TBC1D19: variants seen among roughly 807,000 people sequenced by gnomAD.
The protein encoded by TBC1D19 is TBC1 domain family member 19.
In TBC1D19, 60 loss-of-function variants were observed where a neutral mutation model predicts 89.0. The ratio of observed to expected loss-of-function variants is 0.67; its 90% CI spans 0.55 to 0.84. The LOEUF (loss-of-function observed/expected upper bound fraction) is 0.84. Ranked by LOEUF, TBC1D19 falls within the 40% of genes least tolerant of loss-of-function variation. The pLI is 0.00. For synonymous variants in TBC1D19, 189 were observed against 199.7 expected, an observed-to-expected ratio of 0.95 and a Z score of 0.45; for missense variants, 500 against 610.8, an observed-to-expected ratio of 0.82 and a Z score of 1.91.
intron 16 of TBC1D19, among the ~76,000 whole-genome samples, chr4:26,736,981 A>G (rs1718090606): frequency 6.6e-6 from 1 of 152,232 alleles, no homozygotes; most frequent in Admixed American, 6.5e-5. Context: ...TAAACTTATT[A>G]AAGATTGTTG....
the TBC1D19 span, among the ~76,000 whole-genome samples, chr4:26,818,305 G>A: frequency 3.9e-5 from 6 of 152,234 alleles, no homozygotes; most frequent in East Asian, 5.8e-4. Context: ...AGTGCTCACC[G>A]TAGCCTTGTC....
chr4:26,659,587 G>T lies in TBC1D19; in HGVS notation c.481-10G>T, dbSNP rs1200259332. ...GAAACTAACCAATTTTGTTGGATTT[G>T]TTTTTAAAGGTATTAATTAATCTTC... On this transcript the variant is annotated splice_polypyrimidine_tract_variant and intron_variant, in intron 7 of 20. Transcript: ENST00000264866. The T allele has an allele frequency of 7.7e-6, 12 of 1,554,362 alleles. No homozygotes were observed. The highest frequency in any genetic ancestry group is 1.1e-5 in the Non-Finnish European group (12 of 1,134,436).
chr4:26,591,571 C>A (rs972099876), intron 1 of TBC1D19, among the ~76,000 whole-genome samples: 1 of 151,908 alleles, frequency 6.6e-6, no homozygotes, highest in Non-Finnish European at 1.5e-5. Flanking sequence ...AAAAGAACAA[C>A]AAAATTGATA....
At chr4:26,666,488 G>A in intron 9 of TBC1D19, 83 bp downstream of exon 9, 11 of 1,194,588 alleles carry the variant, frequency 9.2e-6, no homozygotes, top group South Asian at 1.7e-5. Flanking sequence ...AGTTAATCTA[G>A]CAATTTTTTT....
At chr4:26,848,048 T>C in the TBC1D19 span, among the ~76,000 whole-genome samples, 1 of 152,234 alleles carries the variant, frequency 6.6e-6, no homozygotes, top group Admixed American at 6.5e-5. Context: ...ACGGATTTGG[T>C]AGTCATTAAG....
intron 12 of TBC1D19, among the ~76,000 whole-genome samples, chr4:26,686,443 TG>T (rs1234459532): frequency 6.6e-6 from 1 of 152,040 alleles, no homozygotes. Flanking sequence ...AAACTTGCCT[TG>T]TATCCATACT....
chr4:26,768,635 A>G, the TBC1D19 span, among the ~76,000 whole-genome samples: 4 of 152,190 alleles, frequency 2.6e-5, no homozygotes, highest in African/African-American at 9.6e-5. Context: ...GAGACATGGA[A>G]GATATTAAAA....
At chr4:26,616,790 ACT>A (rs759240572) in intron 3 of TBC1D19, among the ~76,000 whole-genome samples, 2 of 152,022 alleles carry the variant, frequency 1.3e-5, no homozygotes, top group Non-Finnish European at 2.9e-5. Flanking sequence ...GTAGGTTAGC[ACT>A]CTCCATTTCA....
chr4:26,842,072 G>A, the TBC1D19 span, among the ~76,000 whole-genome samples: 6 of 152,098 alleles, frequency 3.9e-5, no homozygotes, highest in African/African-American at 1.4e-4. Context: ...CATTTTAATG[G>A]CAATTTTCCT....
chr4:26,764,591 T>G, the TBC1D19 span, among the ~76,000 whole-genome samples: 1 of 152,204 alleles, frequency 6.6e-6, no homozygotes, highest in African/African-American at 2.4e-5. Context: ...ATTTTCTCTC[T>G]CAAGTACTGC....
At chr4:26,782,475 G>T in the TBC1D19 span, among the ~76,000 whole-genome samples, 1 of 152,162 alleles carries the variant, frequency 6.6e-6, no homozygotes, top group Non-Finnish European at 1.5e-5. Flanking sequence ...AATGGAAAGG[G>T]CAGTCACGGG....
chr4:26,807,184 C>T, the TBC1D19 span, among the ~76,000 whole-genome samples: 1,731 of 152,182 alleles, frequency 0.011, 38 homozygotes, highest in African/African-American at 0.039. Context: ...TCTCAGGAGA[C>T]GCAGCAGGGA....
upstream of TBC1D19, among the ~76,000 whole-genome samples, chr4:26,582,476 C>T (rs1739111958): frequency 6.6e-6 from 1 of 152,162 alleles, no homozygotes. Flanking sequence ...ATCTCTTTGG[C>T]AGCTAATCAC....
At chr4:26,847,408 A>G in the TBC1D19 span, among the ~76,000 whole-genome samples, 1 of 152,156 alleles carries the variant, frequency 6.6e-6, no homozygotes, top group African/African-American at 2.4e-5. Flanking sequence ...GAGCTGAAGG[A>G]GAAAGATGAG....
At chr4:26,714,406 C>G (rs994124050) in intron 13 of TBC1D19, among the ~76,000 whole-genome samples, 1 of 152,042 alleles carries the variant, frequency 6.6e-6, no homozygotes, top group Non-Finnish European at 1.5e-5. Context: ...ACTGAAACTA[C>G]TCTCGTCAAG....
At chr4:26,699,958 C>T (rs1318331765) in intron 13 of TBC1D19, among the ~76,000 whole-genome samples, 1 of 151,508 alleles carries the variant, frequency 6.6e-6, no homozygotes, top group Non-Finnish European at 1.5e-5. Context: ...CACATGTATA[C>T]ATATGTAACA....
the TBC1D19 span, among the ~76,000 whole-genome samples, chr4:26,803,635 A>G: frequency 6.6e-6 from 1 of 152,162 alleles, no homozygotes; most frequent in Admixed American, 6.5e-5. Context: ...ATCAGCCCTG[A>G]GGTCGCGCTG....
intron 13 of TBC1D19, among the ~76,000 whole-genome samples, chr4:26,699,015 TA>T (rs1229129424): frequency 6.6e-6 from 1 of 152,040 alleles, no homozygotes; most frequent in Non-Finnish European, 1.5e-5. Flanking sequence ...TGACAAATGT[TA>T]TCTAATTAAA....
At chr4:26,735,387 C>G in intron 15 of TBC1D19, 68 bp from the exon 16 acceptor site, 7 of 1,313,006 alleles carry the variant, frequency 5.3e-6, no homozygotes, top group Non-Finnish European at 7.3e-6. Flanking sequence ...CAGTTTTAAT[C>G]TTTTAAAGCT....
Sources: gnomAD v4.1 joint callset for allele counts (sites outside exome capture counted in the v4.1 genomes callset) on GRCh38, gnomAD v4.1.1 for gene constraint, MANE v1.5 for transcripts, NCBI Gene and HGNC (gene_info 2026-07-23, HGNC 2026-07-21) for gene names.